CCDC13: variants seen among roughly 807,000 people sequenced by gnomAD.
CCDC13 encodes the protein coiled-coil domain-containing protein 13.
In CCDC13, 70 loss-of-function variants were observed where a neutral mutation model predicts 87.3. The observed-to-expected ratio is 0.80, with a 90% CI of 0.66 to 0.98. The LOEUF (loss-of-function observed/expected upper bound fraction) is 0.98. Among genes scored for constraint, CCDC13 ranks in the 50% least tolerant of loss-of-function variants. CCDC13 has a pLI of 0.00. For synonymous variants in CCDC13, 317 were observed against 360.3 expected (o/e 0.88, Z 1.36); for missense variants, 842 against 892.0 (o/e 0.94, Z 0.71).
At chr3:42,709,656 C>T in intron 15 of CCDC13, 28 bp downstream of exon 15, 1 of 1,583,520 alleles carries the variant, frequency 6.3e-7, no homozygotes. Flanking sequence ...CAACCCTACC[C>T]TTTCAGGAAG....
chr3:42,765,316 C>A (rs1699907119), intron 1 of CCDC13, among the ~76,000 whole-genome samples: 1 of 152,194 alleles, frequency 6.6e-6, no homozygotes, highest in Non-Finnish European at 1.5e-5. Context: ...TCCAGACCGG[C>A]CCCCAGAGTA....
chr3:42,706,215 C>G lies in CCDC13; in HGVS notation c.*2765G>C, dbSNP rs1255423634. The G allele has an allele frequency of 1.3e-5, 2 of 152,372 alleles. No homozygotes were observed. Among genetic ancestry groups the G allele is most frequent in the African/African-American group, 4.8e-5 (2 of 41,470 alleles). The allele number at this position is 152,372 out of a possible 1,614,324, so 9.4% of individuals were successfully genotyped here. A position where few individuals can be genotyped will look rare whatever the true frequency, so the allele number is the denominator to read the frequency against. ...GGCTGGATGGAATGGTGACCTGTGA[C>G]CAGTCTGTCTCTCTCCTCAGCTGAT... On this transcript the variant is annotated 3_prime_UTR_variant, in exon 16 of 16. Coordinates refer to ENST00000310232, the MANE Select transcript of CCDC13 (RefSeq NM_144719.4).
chr3:42,732,631 G>C (rs536964687), intron 12 of CCDC13: 2 of 506,294 alleles, frequency 4.0e-6, no homozygotes, highest in Non-Finnish European at 7.0e-6. Flanking sequence ...GCCCAGGAAG[G>C]TTCCTCAGGT....
intron 8 of CCDC13, 64 bp from the exon 9 acceptor site, chr3:42,739,874 C>T (rs2125891282): frequency 6.7e-7 from 1 of 1,490,708 alleles, no homozygotes; most frequent in East Asian, 2.3e-5. Context: ...CATCTGCTCC[C>T]TGGCTCCTAC....
chr3:42,761,279 C>T (rs1205347552), intron 1 of CCDC13, among the ~76,000 whole-genome samples: 3 of 152,170 alleles, frequency 2.0e-5, no homozygotes, highest in Non-Finnish European at 2.9e-5. Flanking sequence ...GGGGTATCTG[C>T]ACTTGCTGTT....
chr3:42,734,708 G>A (rs1027074914), intron 10 of CCDC13, among the ~76,000 whole-genome samples: 1 of 152,222 alleles, frequency 6.6e-6, no homozygotes, highest in Non-Finnish European at 1.5e-5. Context: ...CTTTGGCTGA[G>A]CCAGTCAATT....
chr3:42,757,774 CA>C (rs1559660593), intron 2 of CCDC13, among the ~76,000 whole-genome samples: 2 of 152,060 alleles, frequency 1.3e-5, no homozygotes, highest in African/African-American at 2.4e-5. Flanking sequence ...TAACATTATA[CA>C]GACTATTTTC....
chr3:42,721,924 G>A (rs185678018), intron 13 of CCDC13, among the ~76,000 whole-genome samples: 53 of 152,292 alleles, frequency 3.5e-4, no homozygotes, highest in Non-Finnish European at 5.6e-4. Context: ...ATCTGGAACA[G>A]TATTCTAATT....
At chr3:42,765,790 T>C (rs1699919678) in intron 1 of CCDC13, among the ~76,000 whole-genome samples, 1 of 152,068 alleles carries the variant, frequency 6.6e-6, no homozygotes, top group Non-Finnish European at 1.5e-5. Flanking sequence ...CAGAACAGCA[T>C]GTGCAGAGAA....
Position 42,709,762 on chromosome 3 carries a change from C to A in CCDC13, c.1910G>T (p.Gly637Val), listed in dbSNP as rs368701943. The A allele has an allele frequency of 8.7e-6, 14 of 1,614,036 alleles. No individual in the cohort carries two copies. In the African/African-American group the frequency reaches 1.7e-4, roughly 20 times the overall value. The change falls in exon 15 of 16, where the codon GGG becomes GTG. Residue 637 changes from glycine to valine, a missense_variant. Gly to Val is a moderately radical substitution (Grantham distance 109). Coordinates refer to ENST00000310232, the MANE Select transcript of CCDC13 (RefSeq NM_144719.4). ...AAAGGATGGGTCCTTCTTCTCGCTC[C>A]CGGTTGGGTTGTGCCTGTTGTTAGA... ...PTSNNRHNPT[G>V]SEKKDPSFAQ...
chr3:42,716,380 A>T (rs1213811082), intron 13 of CCDC13, among the ~76,000 whole-genome samples: 1 of 152,232 alleles, frequency 6.6e-6, no homozygotes, highest in Non-Finnish European at 1.5e-5. Flanking sequence ...AAAAAACTTG[A>T]TTTCCCAGTT....
intron 1 of CCDC13, among the ~76,000 whole-genome samples, chr3:42,760,907 CT>C (rs879855910): frequency 6.6e-6 from 1 of 151,994 alleles, no homozygotes; most frequent in Non-Finnish European, 1.5e-5. Context: ...TGTATATCTT[CT>C]TTTGTGATGT....
chr3:42,772,117 C>A (rs923104736), intron 1 of CCDC13, among the ~76,000 whole-genome samples: 1 of 151,174 alleles, frequency 6.6e-6, no homozygotes, highest in African/African-American at 2.4e-5. Context: ...ACTAAAAATA[C>A]CAAAATTAGC....
At position 42,732,958 on chromosome 3, in the gene CCDC13, G is replaced by A. The variant is rs1698883721; in HGVS notation, c.1524C>T (p.Ser508=). ...GRLGSSRSVT[S]LGHTLVESAL... ...CAGATTCCACCAGTGTGTGGCCCAG[G>A]CTGGTCACAGAGCTGTGTAAAGGCG... Residue 508 remains serine (S), a synonymous_variant, in exon 12 of 16, where the codon AGC becomes AGT. Transcript: ENST00000310232. 1.9e-6 allele frequency: 3 copies of A among 1,552,626 alleles called. No homozygotes were observed. The highest frequency in any genetic ancestry group is 1.7e-6 in the Non-Finnish European group (2 of 1,147,482).
At position 42,758,371 on chromosome 3, in the gene CCDC13, C is replaced by A. The variant is rs1184647886; in HGVS notation, c.-6-20G>T. On this transcript the variant is annotated intron_variant, in intron 1 of 15. Coordinates refer to ENST00000310232, the MANE Select transcript of CCDC13 (RefSeq NM_144719.4). Reference sequence around the variant, plus strand: ...CCTGCCCTAGGCATCAGAAATGAAGCCTCAGCTGAAGCAAACTCCACACCG... The same window carrying A: ...CCTGCCCTAGGCATCAGAAATGAAGACTCAGCTGAAGCAAACTCCACACCG... The A allele has an allele frequency of 6.2e-7, 1 of 1,608,240 alleles. No homozygotes were observed.
intron 1 of CCDC13, 124 bp downstream of exon 1, chr3:42,773,052 G>A (rs556470610): frequency 7.9e-5 from 12 of 152,306 alleles, no homozygotes; most frequent in African/African-American, 2.9e-4. Flanking sequence ...CCAGCACGCG[G>A]TGAGCGCCCG....
intron 1 of CCDC13, among the ~76,000 whole-genome samples, chr3:42,772,557 G>A (rs868623140): frequency 1.3e-5 from 2 of 151,946 alleles, no homozygotes; most frequent in South Asian, 4.2e-4. Context: ...TGTTCTTTTC[G>A]AGTATTCTCA....
At chr3:42,770,959 C>A (rs1289384196) in intron 1 of CCDC13, 1 of 152,250 alleles carries the variant, frequency 6.6e-6, no homozygotes, top group Non-Finnish European at 1.5e-5. Context: ...ATAACACTCA[C>A]CGCGAGGGTC....
intron 14 of CCDC13, among the ~76,000 whole-genome samples, chr3:42,711,214 C>T (rs534625394): frequency 9.8e-5 from 14 of 142,504 alleles, no homozygotes; most frequent in Non-Finnish European, 1.9e-4. Context: ...CCGCTGCATT[C>T]CAGCCTGAGG....
Sources: gnomAD v4.1 joint callset for allele counts (sites outside exome capture counted in the v4.1 genomes callset) on GRCh38, gnomAD v4.1.1 for gene constraint, MANE v1.5 for transcripts, NCBI Gene and HGNC (gene_info 2026-07-23, HGNC 2026-07-21) for gene names.